The following CGGBP1 variants were observed in gnomAD, a reference collection of about 807,000 sequenced individuals.
The protein encoded by CGGBP1 is CGG triplet repeat binding protein 1, also known as CGG triplet repeat-binding protein 1.
In CGGBP1, 4 loss-of-function variants were observed where a neutral mutation model predicts 11.4. That is an observed-to-expected ratio of 0.35 (90% CI 0.17 to 0.80). CGGBP1 has a LOEUF of 0.80. Ranked by LOEUF, CGGBP1 falls within the 30% of genes least tolerant of loss-of-function variation. The probability of loss-of-function intolerance (pLI) is 0.52; values close to 1 mark genes in which losing one functional copy is unlikely to be tolerated. For missense variants in CGGBP1, 135 were observed against 202.1 expected, an observed-to-expected ratio of 0.67 and a Z score of 2.01; for synonymous variants, 76 against 74.1, an observed-to-expected ratio of 1.03 and a Z score of -0.13.
At chr3:88,103,829 C>T (rs1433027410) in intron 2 of CGGBP1, among the ~76,000 whole-genome samples, 1 of 144,504 alleles carries the variant, frequency 6.9e-6, no homozygotes, top group East Asian at 2.0e-4. Flanking sequence ...TGCATTGGCG[C>T]CATCTTGGCT....
exon 2 of CGGBP1, chr3:88,141,008 G>T (rs1311934615): frequency 3.7e-6 from 6 of 1,610,898 alleles, no homozygotes; most frequent in Non-Finnish European, 5.1e-6. Flanking sequence ...TTGCACAAAA[G>T]AAATGTCAGA....
intron 2 of CGGBP1, among the ~76,000 whole-genome samples, chr3:88,124,457 T>G: frequency 6.6e-6 from 1 of 152,226 alleles, no homozygotes; most frequent in Non-Finnish European, 1.5e-5. Context: ...TTTCTTCTAC[T>G]ACTTTCTTCT....
At chr3:88,123,156 C>T (rs1468970328) in intron 2 of CGGBP1, among the ~76,000 whole-genome samples, 1 of 151,946 alleles carries the variant, frequency 6.6e-6, no homozygotes, top group Non-Finnish European at 1.5e-5. Context: ...CCAAAAAAGC[C>T]ACTATTCTAT....
chr3:88,083,725 A>G (rs966022551), intron 2 of CGGBP1, among the ~76,000 whole-genome samples: 5 of 152,116 alleles, frequency 3.3e-5, no homozygotes, highest in Non-Finnish European at 5.9e-5. Flanking sequence ...ATCCAGGAAA[A>G]CACTATTCTT....
rs1161498412 is a variant in CGGBP1, at chr3:88,055,882, C to T, written c.95G>A (p.Gly32Asp). 1 of 1,614,170 alleles carries T rather than the reference C, an allele frequency of 6.2e-7. No homozygotes were observed. Among genetic ancestry groups the T allele is most frequent in the African/African-American group, 1.3e-5 (1 of 75,028 alleles). Residue 32 changes from glycine (G) to aspartate (D), a missense_variant, in exon 4 of 4, where the codon GGT becomes GAT. Gly to Asp is a moderately conservative substitution (Grantham distance 94, BLOSUM62 -1). Transcript: ENST00000482016. This position sits in a 1 kb window ranked among gnomAD's most constrained non-coding sequence, Gnocchi z 4.2. ...TTTTCCTCCATCTTCATGCAGCTCA[C>T]CTCCAAACTCAGTGACTCGATCCAG... ...TPLDRVTEFG[G>D]ELHEDGGKLF...
intron 2 of CGGBP1, chr3:88,129,029 T>G: frequency 6.6e-7 from 1 of 1,518,900 alleles, no homozygotes; most frequent in East Asian, 2.5e-5. Flanking sequence ...TTGAGACTAT[T>G]TTTGCCTATT....
upstream of CGGBP1, among the ~76,000 whole-genome samples, chr3:88,061,817 A>G (rs1706901512): frequency 6.6e-6 from 1 of 152,192 alleles, no homozygotes; most frequent in Non-Finnish European, 1.5e-5. Flanking sequence ...TTATTAGTGA[A>G]TGACTTAATC....
At chr3:88,131,061 TAG>T (rs1165620363) in intron 2 of CGGBP1, among the ~76,000 whole-genome samples, 2 of 152,274 alleles carry the variant, frequency 1.3e-5, no homozygotes, top group Non-Finnish European at 2.9e-5. Flanking sequence ...GTGAATATTG[TAG>T]AGATACAAAC....
chr3:88,139,143 C>A (rs1206956366), intron 2 of CGGBP1: 2 of 1,307,946 alleles, frequency 1.5e-6, no homozygotes, highest in African/African-American at 3.1e-5. Context: ...GACGGAGGAA[C>A]AGCAAGGTTT....
At chr3:88,135,432 C>G (rs941001598) in intron 2 of CGGBP1, 1 of 315,976 alleles carries the variant, frequency 3.2e-6, no homozygotes, top group African/African-American at 2.1e-5. Context: ...TCCATTACAA[C>G]CTTTTTTCTT....
At chr3:88,101,123 T>G (rs1239932409) in intron 2 of CGGBP1, among the ~76,000 whole-genome samples, 1 of 152,198 alleles carries the variant, frequency 6.6e-6, no homozygotes, top group Non-Finnish European at 1.5e-5. Flanking sequence ...ATGTAAAGCT[T>G]TATTAAAAAG....
chr3:88,055,472 G>A lies in CGGBP1; in HGVS notation c.*1C>T. On this transcript the variant is annotated 3_prime_UTR_variant, in exon 4 of 4. Coordinates refer to ENST00000482016, the MANE Select transcript of CGGBP1 (RefSeq NM_001008390.2). This position sits in a 1 kb window ranked among gnomAD's most constrained non-coding sequence, Gnocchi z 4.2. ...TGATCACAATGGTGGTAACCTCCTA[G>A]TCAACAATCTTGTGAGTTGAGGAGT... 2 of 1,514,658 alleles carry A rather than the reference G, an allele frequency of 1.3e-6. No individual in the cohort carries two copies. Among genetic ancestry groups the A allele is most frequent in the Non-Finnish European group, 1.8e-6 (2 of 1,131,084 alleles). 93.8% of individuals were successfully genotyped at this position (1,514,658 alleles called of 1,614,324 possible).
At chr3:88,093,330 G>T (rs911563400) in intron 2 of CGGBP1, among the ~76,000 whole-genome samples, 6 of 152,112 alleles carry the variant, frequency 3.9e-5, no homozygotes, top group African/African-American at 2.4e-5. Flanking sequence ...TTACATAAAA[G>T]AAAAGCAAAT....
intron 1 of CGGBP1, chr3:88,142,652 A>C (rs1456418324): frequency 6.6e-6 from 1 of 152,378 alleles, no homozygotes; most frequent in Admixed American, 6.6e-5. Flanking sequence ...ATCAGCTAAG[A>C]ATCAGGTTGA....
chr3:88,143,870 A>AT (rs1280166821), intron 1 of CGGBP1: 2 of 151,920 alleles, frequency 1.3e-5, no homozygotes, highest in African/African-American at 4.8e-5. Context: ...GAATGTGTTC[A>AT]TTTTATTACA....
At chr3:88,085,538 T>TTAATA (rs1263957558) in intron 2 of CGGBP1, among the ~76,000 whole-genome samples, 1 of 152,236 alleles carries the variant, frequency 6.6e-6, no homozygotes, top group Non-Finnish European at 1.5e-5. Context: ...ATGGATTTTG[T>TTAATA]TAATATAATA....
chr3:88,111,632 T>C (rs553064701), intron 2 of CGGBP1, among the ~76,000 whole-genome samples: 5 of 152,170 alleles, frequency 3.3e-5, no homozygotes, highest in African/African-American at 1.2e-4. Flanking sequence ...TTTTTGCTTC[T>C]ATAAACCATT....
chr3:88,106,504 ATTGT>A (rs1177717463), intron 2 of CGGBP1, among the ~76,000 whole-genome samples: 1 of 151,692 alleles, frequency 6.6e-6, no homozygotes, highest in African/African-American at 2.4e-5. Context: ...CCCCCAGCTA[ATTGT>A]TTGTATTTTT....
intron 2 of CGGBP1, among the ~76,000 whole-genome samples, chr3:88,088,279 TAATG>T (rs1708440120): frequency 1.3e-5 from 2 of 152,126 alleles, no homozygotes; most frequent in Admixed American, 6.5e-5. Flanking sequence ...TTTTACATAT[TAATG>T]AATATCTAAG....
Sources: allele counts gnomAD v4.1 joint callset (sites outside exome capture counted in the v4.1 genomes callset), GRCh38; gene constraint gnomAD v4.1.1; non-coding constraint Gnocchi (gnomAD v3.1); transcripts MANE v1.5; gene names NCBI Gene and HGNC (gene_info 2026-07-23, HGNC 2026-07-21).